BNC2: variants seen among roughly 807,000 people sequenced by gnomAD.
BNC2 encodes basonuclin zinc finger protein 2.
A neutral mutation model predicts 76.3 loss-of-function variants in BNC2; 20 were observed. The ratio of observed to expected loss-of-function variants is 0.26; its 90% CI spans 0.18 to 0.38. The LOEUF is 0.38. Ranked by LOEUF, BNC2 falls within the 10% of genes least tolerant of loss-of-function variation. BNC2 has a pLI of 1.00. For missense variants in BNC2, 1,382 were observed against 1,399.8 expected, an observed-to-expected ratio of 0.99 and a Z score of 0.20; for synonymous variants, 582 against 514.8, an observed-to-expected ratio of 1.13 and a Z score of -1.77.
chr9:16,443,734 G>A (rs1563786405), intron 5 of BNC2, among the ~76,000 whole-genome samples: 1 of 152,118 alleles, frequency 6.6e-6, no homozygotes, highest in Admixed American at 6.6e-5. Context: ...AATGAAAGAC[G>A]TTAGACCCAA....
intron 1 of BNC2, among the ~76,000 whole-genome samples, chr9:16,766,916 T>G (rs1353495522): frequency 1.3e-5 from 2 of 152,008 alleles, no homozygotes; most frequent in African/African-American, 4.8e-5. Context: ...TTTTATGGAG[T>G]AAAGATGAAC....
chr9:16,448,131 TA>T (rs1193770034), intron 5 of BNC2, among the ~76,000 whole-genome samples: 1 of 152,102 alleles, frequency 6.6e-6, no homozygotes, highest in African/African-American at 2.4e-5. Flanking sequence ...TGCTTTACAA[TA>T]AACAGAACTC....
chr9:16,481,618 A>T (rs562984693), intron 5 of BNC2, among the ~76,000 whole-genome samples: 19 of 152,194 alleles, frequency 1.2e-4, no homozygotes, highest in Non-Finnish European at 2.5e-4. Context: ...TTCCGGACAC[A>T]CCATCGCTGA....
chr9:16,836,953 C>G (rs1284598047), intron 1 of BNC2, among the ~76,000 whole-genome samples: 3 of 152,100 alleles, frequency 2.0e-5, no homozygotes, highest in Non-Finnish European at 4.4e-5. Context: ...AACTTACACA[C>G]CTGGTTCAAC....
At chr9:16,567,031 A>G (rs1403904244) in intron 4 of BNC2, among the ~76,000 whole-genome samples, 2 of 152,228 alleles carry the variant, frequency 1.3e-5, no homozygotes, top group Non-Finnish European at 2.9e-5. Flanking sequence ...CTAAAATGCT[A>G]GAAACAGAGG....
At chr9:16,431,570 G>A (rs1478081922) in intron 6 of BNC2, 1 of 363,334 alleles carries the variant, frequency 2.8e-6, no homozygotes, top group African/African-American at 2.1e-5. Flanking sequence ...GCAGCAGACA[G>A]ATCAAGGGAT....
At chr9:16,787,748 A>G (rs1241118640) in intron 1 of BNC2, among the ~76,000 whole-genome samples, 1 of 152,138 alleles carries the variant, frequency 6.6e-6, no homozygotes, top group Non-Finnish European at 1.5e-5. Context: ...CGAGGGTCTC[A>G]CTTTGTTGCC....
rs1563783327 is a variant in BNC2, at chr9:16,437,333, C to T, written c.861G>A (p.Glu287=). 1 of 1,614,140 alleles carries T rather than the reference C, an allele frequency of 6.2e-7. No homozygotes were observed. Among genetic ancestry groups the T allele is most frequent in the East Asian group, 2.2e-5 (1 of 44,882 alleles). Residue 287 remains glutamate (E), a synonymous_variant, in exon 6 of 7, where the codon GAG becomes GAA. Coordinates refer to ENST00000380672, the MANE Select transcript of BNC2 (RefSeq NM_017637.6). ...TGGGACTCCTGGTGCGATTATTGCT[C>T]TCAATGAAAGTCCTTATATCTGAGT... ...KTDSDIRTFI[E]SNNRTRSPSL...
intron 3 of BNC2, among the ~76,000 whole-genome samples, chr9:16,584,148 A>T (rs1819704346): frequency 6.6e-6 from 1 of 152,120 alleles, no homozygotes; most frequent in African/African-American, 2.4e-5. Context: ...CCAGGAAAAG[A>T]TCTCTCTGCA....
intron 1 of BNC2, chr9:16,832,267 G>A (rs533371274): frequency 6.2e-6 from 8 of 1,283,434 alleles, no homozygotes; most frequent in Non-Finnish European, 8.1e-6. Context: ...AATCTAGAAG[G>A]TTCTTTGACG....
At chr9:16,633,981 C>G (rs118061553) in intron 3 of BNC2, among the ~76,000 whole-genome samples, 1 of 152,294 alleles carries the variant, frequency 6.6e-6, no homozygotes, top group Admixed American at 6.5e-5. Context: ...CTGTCACAAT[C>G]CATGTAAATG....
At chr9:16,483,847 G>T (rs562718537) in intron 5 of BNC2, among the ~76,000 whole-genome samples, 1 of 152,238 alleles carries the variant, frequency 6.6e-6, no homozygotes, top group East Asian at 1.9e-4. Flanking sequence ...GGACTTTCAG[G>T]CTTCTAAGTA....
chr9:16,603,312 T>C (rs1820294338), intron 3 of BNC2, among the ~76,000 whole-genome samples: 1 of 152,222 alleles, frequency 6.6e-6, no homozygotes, highest in South Asian at 2.1e-4. Flanking sequence ...TCAGGTAGAA[T>C]GCTAATGTTA....
chr9:16,800,141 C>T (rs1483979892), intron 1 of BNC2, among the ~76,000 whole-genome samples: 1 of 151,558 alleles, frequency 6.6e-6, no homozygotes, highest in African/African-American at 2.4e-5. Context: ...AGGAGAATCA[C>T]TTGAGCTTGG....
chr9:16,490,905 T>C (rs1010703491), intron 5 of BNC2, among the ~76,000 whole-genome samples: 1 of 152,092 alleles, frequency 6.6e-6, no homozygotes, highest in Non-Finnish European at 1.5e-5. Flanking sequence ...CGGAGGAGTG[T>C]TCCTTGGAAG....
At chr9:16,766,867 G>A (rs942648130) in intron 1 of BNC2, among the ~76,000 whole-genome samples, 2 of 152,112 alleles carry the variant, frequency 1.3e-5, no homozygotes, top group African/African-American at 2.4e-5. Flanking sequence ...CTGGCTGGAG[G>A]TTGCCCTCCC....
chr9:16,528,253 A>G (rs1817871265), intron 5 of BNC2, among the ~76,000 whole-genome samples: 1 of 152,182 alleles, frequency 6.6e-6, no homozygotes, highest in Non-Finnish European at 1.5e-5. Context: ...TCTTGAATAT[A>G]ACTTTTTCTC....
Position 16,437,211 on chromosome 9 carries a change from A to C in BNC2, c.983T>G (p.Ile328Arg). 6.2e-7 allele frequency: 1 copy of C among 1,614,176 alleles called. No individual in the cohort carries two copies. The highest frequency in any genetic ancestry group is 8.5e-7 in the Non-Finnish European group (1 of 1,180,024). ...TAGCAGTGGTGCTGAGACAGGGTTTATGTACTGGAATGGAAGCAGAAATGC... is the reference window on the plus strand; with the variant it reads ...TAGCAGTGGTGCTGAGACAGGGTTTCTGTACTGGAATGGAAGCAGAAATGC... ...SLAFLLPFQY[I>R]NPVSAPLLGL... Residue 328 changes from isoleucine (I) to arginine (R), a missense_variant, in exon 6 of 7, where the codon ATA becomes AGA. This residue lies in a region of BNC2 where 557 missense variants were observed against 540.9 expected (regional missense o/e 1.03). Coordinates refer to ENST00000380672, the MANE Select transcript of BNC2 (RefSeq NM_017637.6).
chr9:16,511,593 A>C (rs1337346407), intron 5 of BNC2, among the ~76,000 whole-genome samples: 1 of 150,876 alleles, frequency 6.6e-6, no homozygotes. Context: ...ATGCCTGGCT[A>C]ATTTTTGTAT....
Sources: gnomAD v4.1 joint callset for allele counts (sites outside exome capture counted in the v4.1 genomes callset) on GRCh38, gnomAD v4.1.1 for gene constraint, gnomAD v4.1.1 regional missense constraint, MANE v1.5 for transcripts, NCBI Gene and HGNC (gene_info 2026-07-23, HGNC 2026-07-21) for gene names.